Variants in GGCX observed in about 807,000 individuals in gnomAD.
GGCX encodes gamma-glutamyl carboxylase.
In GGCX, 63 loss-of-function variants were observed where a neutral mutation model predicts 88.5. The observed-to-expected ratio is 0.71, with a 90% confidence interval of 0.58 to 0.88. The LOEUF is 0.88. GGCX is among the 40% of genes least tolerant of loss of function. The pLI, the probability that GGCX is intolerant of heterozygous loss-of-function variation, is 0.00. For synonymous variants in GGCX, 368 were observed against 365.8 expected (o/e 1.01, Z -0.07); for missense variants, 805 against 932.9 (o/e 0.86, Z 1.79).
intron 7 of GGCX, chr2:85,553,816 G>A (rs1039740577): frequency 4.3e-6 from 2 of 462,474 alleles, no homozygotes; most frequent in Non-Finnish European, 7.9e-6. Context: ...GGTCAGGCCG[G>A]TCTCGAACTC....
Position 85,549,802 on chromosome 2 carries a change from A to T in GGCX, c.*132T>A, listed in dbSNP as rs563238065. The T allele has an allele frequency of 1.5e-6, 1 of 674,378 alleles. No homozygotes were observed. Among genetic ancestry groups the T allele is most frequent in the African/African-American group, 1.8e-5 (1 of 54,616 alleles). 41.8% of individuals were successfully genotyped at this position (674,378 alleles called of 1,614,324 possible). A position where few individuals can be genotyped will look rare whatever the true frequency, so the allele number is the denominator to read the frequency against. On this transcript the variant is annotated 3_prime_UTR_variant, in exon 15 of 15. Transcript: ENST00000233838. ...TCTAAGTTGTAATCTCGGAGTTAAA[A>T]ACAGCTTTAGAACCCCGCCCCCCCA... is the stretch of plus-strand genomic sequence containing the variant.
At chr2:85,551,669 C>G in intron 11 of GGCX, 59 bp from the exon 12 acceptor site, 1 of 1,605,066 alleles carries the variant, frequency 6.2e-7, no homozygotes, top group Non-Finnish European at 8.5e-7. Context: ...CACTCCCAGC[C>G]AGAACAGAGA....
intron 10 of GGCX, 138 bp downstream of exon 10, chr2:85,552,278 C>A: frequency 1.1e-6 from 1 of 900,822 alleles, no homozygotes; most frequent in South Asian, 1.4e-5. Flanking sequence ...CCAGCTATGC[C>A]CACAACCAGA....
chr2:85,550,457 CT>C, intron 14 of GGCX, 97 bp downstream of exon 14: 1 of 893,360 alleles, frequency 1.1e-6, no homozygotes, highest in Non-Finnish European at 1.9e-6. Flanking sequence ...CTAAACTGTC[CT>C]TTCCTGTATG....
chr2:85,550,034 C>T lies in GGCX; in HGVS notation c.2177G>A (p.Arg726Lys). 4 of 1,612,892 alleles carry T rather than the reference C, an allele frequency of 2.5e-6. No individual in the cohort carries two copies. Among genetic ancestry groups the T allele is most frequent in the Non-Finnish European group, 3.4e-6 (4 of 1,179,026 alleles). ...CAGTTCTCCAACTGCCTCAAAGGGT[C>T]TCAAGTTTGCATAAGTCACCTCCTG... The part of the protein sequence containing the change: ...LAQEVTYANL[R>K]PFEAVGELNP... The change falls in exon 15 of 15, where the codon AGA becomes AAA. Residue 726 changes from arginine to lysine, a missense_variant. Transcript: ENST00000233838.
rs1691707237 is a variant in GGCX, at chr2:85,547,104, G to A, written c.*2830C>T. On this transcript the variant is annotated 3_prime_UTR_variant, in exon 15 of 15. Transcript: ENST00000233838. ...TTAATAAGGTGGTGGAGGAACATTA[G>A]GCCACAGGGAGCAGAGGGAAAGCAT... is the stretch of plus-strand genomic sequence containing the variant. 6.6e-6 allele frequency: 1 copy of A among 152,286 alleles called. No homozygotes were observed. The highest frequency in any genetic ancestry group is 2.4e-5 in the African/African-American group (1 of 41,442). 9.4% of individuals were successfully genotyped at this position (152,286 alleles called of 1,614,324 possible).
In GGCX at chr2:85,557,636, G is replaced by A. The variant is rs777341165; in HGVS notation, c.539+804C>T. On this transcript the variant is annotated intron_variant, in intron 4 of 14. Transcript: ENST00000233838. ...TGTATTAACAAATAGGCCGGACACA[G>A]TGGCTCATGCCTGTAATCCCAGCAC... 2.6e-5 allele frequency among the ~76,000 whole-genome samples: 4 copies of A among 152,296 alleles called. 1 individual carries two copies. Among genetic ancestry groups the A allele is most frequent in the Middle Eastern group, 3.4e-3 (1 of 294 alleles).
chr2:85,557,214 C>T (rs546882601), intron 4 of GGCX, among the ~76,000 whole-genome samples: 5 of 152,028 alleles, frequency 3.3e-5, no homozygotes, highest in African/African-American at 9.7e-5. Context: ...ATAGTGCCTG[C>T]GATGTGGAAA....
In GGCX at chr2:85,550,991, C is replaced by CT; in HGVS notation, c.1821dup (p.Glu608ArgfsTer23). The CT allele has an allele frequency of 6.2e-7, 1 of 1,613,838 alleles. No individual in the cohort carries two copies. On this transcript the variant is annotated frameshift_variant, in exon 13 of 15. Coordinates refer to ENST00000233838, the MANE Select transcript of GGCX (RefSeq NM_000821.7). LOFTEE classifies it high-confidence loss of function. ...GCCAGGTCTTGCTCCAGTGCAAGCT[C>CT]TGTAGTGTTGACATAGACGTACATG...
chr2:85,551,996 C>T lies in GGCX; in HGVS notation c.1440-15G>A. ...GGTCAAAAATCCTTAGGAAAGAAAACCATGTTCTAAGGACATCACAGCCAC... is the reference window on the plus strand; with the variant it reads ...GGTCAAAAATCCTTAGGAAAGAAAATCATGTTCTAAGGACATCACAGCCAC... On this transcript the variant is annotated splice_polypyrimidine_tract_variant and intron_variant, in intron 10 of 14. Coordinates refer to ENST00000233838, the MANE Select transcript of GGCX (RefSeq NM_000821.7). 1 of 1,609,218 alleles carries T rather than the reference C, an allele frequency of 6.2e-7. No individual in the cohort carries two copies. Among genetic ancestry groups the T allele is most frequent in the Non-Finnish European group, 8.5e-7 (1 of 1,175,910 alleles).
At chr2:85,552,335 A>G (rs890088715) in intron 10 of GGCX, 81 bp downstream of exon 10, 2 of 1,332,614 alleles carry the variant, frequency 1.5e-6, no homozygotes, top group Non-Finnish European at 2.2e-6. Flanking sequence ...TAAGCAAGAC[A>G]ATACCAGGAA....
Position 85,550,092 on chromosome 2 carries a change from T to A in GGCX, c.2119A>T (p.Ile707Leu), listed in dbSNP as rs755087978. The change falls in exon 15 of 15, where the codon ATA becomes TTA. Residue 707 changes from isoleucine to leucine, a missense_variant. Coordinates refer to ENST00000233838, the MANE Select transcript of GGCX (RefSeq NM_000821.7). ...LMTCISLRNL[I>L]LGRPSLEQLA... Reference sequence around the variant, plus strand: ...TGCTCCAGGGAAGGACGGCCTAATATCAGATTTCGAAGTGAGATACAAGTC... The same window carrying A: ...TGCTCCAGGGAAGGACGGCCTAATAACAGATTTCGAAGTGAGATACAAGTC... 3.7e-6 allele frequency: 6 copies of A among 1,613,786 alleles called. No homozygotes were observed. Among genetic ancestry groups the A allele is most frequent in the South Asian group, 2.2e-5 (2 of 91,068 alleles).
rs1692058939 is a variant in GGCX at position 85,553,363 on chromosome 2, A to G, written c.1024T>C (p.Ser342Pro). Residue 342 changes from serine (S) to proline (P), a missense_variant, in exon 8 of 15, where the codon TCC (serine) becomes CCC (proline). Transcript: ENST00000233838. ...CCCCGGCTCCTCTTATACACACAGG[A>G]AACACTGGGCTGAGGGGCTGCCTTG... is the stretch of plus-strand genomic sequence containing the variant. ...PLKAAPQPSV[S>P]CVYKRSRGKS... 1 of 1,614,118 alleles carries G rather than the reference A, an allele frequency of 6.2e-7. No homozygotes were observed. The highest frequency in any genetic ancestry group is 8.5e-7 in the Non-Finnish European group (1 of 1,180,056).
chr2:85,555,093 G>A (rs1692151315), intron 6 of GGCX: 1 of 189,794 alleles, frequency 5.3e-6, no homozygotes, highest in South Asian at 1.0e-4. Flanking sequence ...GGTTTTGTCA[G>A]AGCCTGAACA....
At position 85,555,466 on chromosome 2, in the gene GGCX, A is replaced by C; in HGVS notation, c.725+18T>G. ...GTACCCATGCCTCAAAGAGGCCTCC[A>C]CCATGACTGCCACTCACTTGAAGGG... is the stretch of plus-strand genomic sequence containing the variant. On this transcript the variant is annotated intron_variant, in intron 6 of 14. Transcript: ENST00000233838. The C allele has an allele frequency of 8.0e-7, 1 of 1,257,482 alleles. No homozygotes were observed. Among genetic ancestry groups the C allele is most frequent in the Middle Eastern group, 1.9e-4 (1 of 5,346 alleles). The allele number at this position is 1,257,482 out of a possible 1,614,324, so 77.9% of individuals were successfully genotyped here. A position where few individuals can be genotyped will look rare whatever the true frequency, so the allele number is the denominator to read the frequency against.
chr2:85,557,809 G>A (rs1692266474), intron 4 of GGCX, among the ~76,000 whole-genome samples: 1 of 152,082 alleles, frequency 6.6e-6, no homozygotes, highest in Non-Finnish European at 1.5e-5. Context: ...TTCAATGTTT[G>A]AGTTTTTTTC....
In GGCX at chr2:85,556,631, T is replaced by TA. The variant is rs74936124; in HGVS notation, c.540-372dup. On this transcript the variant is annotated intron_variant, in intron 4 of 14. Transcript: ENST00000233838. ...AAATAAATATGCGGTGTATTATCTTTAAAAAAAAATGAAAACCCTCAACAG... is the reference window on the plus strand; with the variant it reads ...AAATAAATATGCGGTGTATTATCTTTAAAAAAAAAATGAAAACCCTCAACAG... Among the ~76,000 whole-genome samples, 96 of 151,488 alleles carry TA rather than the reference T, an allele frequency of 6.3e-4. 1 individual carries two copies. The highest frequency in any genetic ancestry group is 4.6e-3 in the South Asian group (22 of 4,784).
At chr2:85,551,676 G>A (rs1691961467) in intron 11 of GGCX, 66 bp from the exon 12 acceptor site, 1 of 1,595,424 alleles carries the variant, frequency 6.3e-7, no homozygotes, top group Non-Finnish European at 8.6e-7. Flanking sequence ...AGCCAGAACA[G>A]AGACATCACA....
chr2:85,545,041 A>G lies in GGCX; in HGVS notation c.*4893T>C, dbSNP rs1465842371. On this transcript the variant is annotated 3_prime_UTR_variant, in exon 15 of 15. Transcript: ENST00000233838. ...CAGAAAAACCTTGGGTTAGACCTAC[A>G]GGGGGTCTGGCTGGTGTTAACAGAA... 3 of 152,476 alleles carry G rather than the reference A, an allele frequency of 2.0e-5. No individual in the cohort carries two copies. The highest frequency in any genetic ancestry group is 4.4e-5 in the Non-Finnish European group (3 of 68,036). The allele number at this position is 152,476 out of a possible 1,614,324, so 9.4% of individuals were successfully genotyped here.
Sources: allele counts gnomAD v4.1 joint callset (sites outside exome capture counted in the v4.1 genomes callset), GRCh38; gene constraint gnomAD v4.1.1; transcripts MANE v1.5; gene names NCBI Gene and HGNC (gene_info 2026-07-23, HGNC 2026-07-21).